The following NATD1 variants were observed in gnomAD, a reference collection of about 807,000 sequenced individuals.
The protein encoded by NATD1 is protein NATD1.
Under a neutral mutation model 12.0 loss-of-function variants are expected in NATD1, and 9 were observed. That is an observed-to-expected ratio of 0.75 (90% CI 0.45 to 1.30). NATD1 has a LOEUF of 1.30. Among genes scored for constraint, NATD1 ranks in the 50% most tolerant of loss-of-function variants. The probability of loss-of-function intolerance (pLI) is 0.00; values close to 1 mark genes in which losing one functional copy is unlikely to be tolerated. For synonymous variants in NATD1, 71 were observed against 65.9 expected, an observed-to-expected ratio of 1.08 and a Z score of -0.37; for missense variants, 148 against 148.5, an observed-to-expected ratio of 1.00 and a Z score of 0.02.
Position 21,243,372 on chromosome 17 carries a change from T to C in NATD1, c.283A>G (p.Ile95Val), listed in dbSNP as rs1261295891. The C allele has an allele frequency of 6.2e-7, 1 of 1,613,584 alleles. No homozygotes were observed. The highest frequency in any genetic ancestry group is 1.1e-5 in the South Asian group (1 of 91,090). Residue 95 changes from isoleucine to valine, a missense_variant, in exon 3 of 3, where the codon ATC (isoleucine) becomes GTC (valine). By Grantham distance (29) the Ile-to-Val change is conservative. Transcript: ENST00000611551. ...GGGTTCTCCTTGACGTACTTCTGGATGTACCAGCAGGTGAGATGGGCCTTC... is the reference window on the plus strand; with the variant it reads ...GGGTTCTCCTTGACGTACTTCTGGACGTACCAGCAGGTGAGATGGGCCTTC... ...DLKAHLTCWYIQKYVKENPLP... is the reference protein window; with the variant it reads ...DLKAHLTCWYVQKYVKENPLP...
At chr17:21,248,540 C>T (rs1017501391) in intron 1 of NATD1, among the ~76,000 whole-genome samples, 44 of 152,296 alleles carry the variant, frequency 2.9e-4, no homozygotes, top group African/African-American at 1.0e-3. Context: ...CCAAAGGTCA[C>T]GTGCCCAGAA....
intron 1 of NATD1, among the ~76,000 whole-genome samples, chr17:21,246,800 G>C (rs1975329155): frequency 6.6e-6 from 1 of 152,202 alleles, no homozygotes; most frequent in Non-Finnish European, 1.5e-5. Flanking sequence ...TGTAAAGAGG[G>C]CATACAAGGA....
At chr17:21,246,756 G>A (rs1975328684) in intron 1 of NATD1, among the ~76,000 whole-genome samples, 1 of 152,100 alleles carries the variant, frequency 6.6e-6, no homozygotes, top group South Asian at 2.1e-4. Flanking sequence ...TCACTATACA[G>A]CAGAGGAGGG....
rs970294151 is a variant in NATD1 at position 21,244,047 on chromosome 17, C to A, written c.225+59G>T. 5 of 1,469,476 alleles carry A rather than the reference C, an allele frequency of 3.4e-6. No homozygotes were observed. The South Asian group carries it at 6.3e-5, about 18-fold the overall frequency. The allele number at this position is 1,469,476 out of a possible 1,614,324, so 91.0% of individuals were successfully genotyped here. On this transcript the variant is annotated intron_variant, in intron 2 of 2. Coordinates refer to ENST00000611551, the MANE Select transcript of NATD1 (RefSeq NM_152914.3). The surrounding 1 kb of genome is among the most constrained non-coding windows in gnomAD (Gnocchi z 5.2). ...CACCAGGGCCACCGTCTCCTCGGAG[C>A]GAAGGTGGCAGCCCCCATGTCCCCG...
intron 1 of NATD1, among the ~76,000 whole-genome samples, chr17:21,246,467 C>A (rs941896868): frequency 6.6e-6 from 1 of 150,482 alleles, no homozygotes; most frequent in African/African-American, 2.5e-5. Context: ...TGAGCTGAGA[C>A]CGCATCATTG....
intron 1 of NATD1, among the ~76,000 whole-genome samples, chr17:21,249,113 G>T (rs1296850196): frequency 2.0e-5 from 3 of 152,090 alleles, no homozygotes; most frequent in Non-Finnish European, 4.4e-5. Context: ...GCAGACAGGG[G>T]ACAGGGGCAG....
rs1026578683 is a variant in NATD1, at chr17:21,243,025, C to G, written c.*288G>C. On this transcript the variant is annotated 3_prime_UTR_variant, in exon 3 of 3. Transcript: ENST00000611551. The stretch of plus-strand genomic sequence containing the variant: ...TGGAGCCCGGTGGGCAGGATGCAGG[C>G]TGGCTCTAGCCCCTACGTGTGACCC... 3 of 298,760 alleles carry G rather than the reference C, an allele frequency of 1.0e-5. No homozygotes were observed. Among genetic ancestry groups the G allele is most frequent in the African/African-American group, 6.4e-5 (3 of 47,238 alleles). 18.5% of individuals were successfully genotyped at this position (298,760 alleles called of 1,614,324 possible). A position where few individuals can be genotyped will look rare whatever the true frequency, so the allele number is the denominator to read the frequency against.
rs12449311 is a variant in NATD1, at chr17:21,244,207, C to T, written c.124G>A (p.Val42Ile). The part of the protein sequence containing the change: ...VRLNGCHDRA[V>I]LLYEYVGKRI... ...TTGCCCACGTACTCATAGAGCAGGA[C>T]GGCCCGGTCATGACATCCTGGGGGT... Residue 42 changes from valine (V) to isoleucine (I), a missense_variant, in exon 2 of 3, where the codon GTC becomes ATC. Transcript: ENST00000611551. This position sits in a 1 kb window ranked among gnomAD's most constrained non-coding sequence, Gnocchi z 5.2. 45,554 of 1,612,146 alleles carry T rather than the reference C, an allele frequency of 0.028. 1,814 individuals are homozygous for T. The highest frequency in any genetic ancestry group is 0.19 in the Admixed American group (11,554 of 59,888).
At chr17:21,248,067 ATGTG>A (rs200585006) in intron 1 of NATD1, among the ~76,000 whole-genome samples, 1,824 of 152,184 alleles carry the variant, frequency 0.012, 44 homozygotes, top group African/African-American at 0.041. Context: ...GTGGGGCTGT[ATGTG>A]AGGAAAAGAC....
chr17:21,246,252 T>C (rs1975323746), intron 1 of NATD1, among the ~76,000 whole-genome samples: 1 of 152,092 alleles, frequency 6.6e-6, no homozygotes, highest in South Asian at 2.1e-4. Context: ...GGTGACCCAC[T>C]CCTATAATCC....
rs1470181694 is a variant in NATD1, at chr17:21,244,088, GCCA to G, written c.225+15_225+17del. 2 of 1,601,262 alleles carry G rather than the reference GCCA, an allele frequency of 1.2e-6. No homozygotes were observed. Among genetic ancestry groups the G allele is most frequent in the Non-Finnish European group, 8.5e-7 (1 of 1,172,758 alleles). ...CATGTCCCCGTCCCCGCTTGGCCCT[GCCA>G]CCTGCCTGCCCTACCTTGGCAAGGT... On this transcript the variant is annotated intron_variant, in intron 2 of 2. Transcript: ENST00000611551. This position sits in a 1 kb window ranked among gnomAD's most constrained non-coding sequence, Gnocchi z 5.2.
chr17:21,247,239 C>T (rs1486443084), intron 1 of NATD1, among the ~76,000 whole-genome samples: 1 of 152,202 alleles, frequency 6.6e-6, no homozygotes, highest in Non-Finnish European at 1.5e-5. Context: ...GCGTAGACAC[C>T]CAAGAAATGT....
chr17:21,244,558 C>T lies in NATD1; in HGVS notation c.107-334G>A, dbSNP rs925851036. On this transcript the variant is annotated intron_variant, in intron 1 of 2. Transcript: ENST00000611551. The surrounding 1 kb of genome is among the most constrained non-coding windows in gnomAD (Gnocchi z 5.2). ...TCTGTAGCCCTGCTCCCTGCATCCC[C>T]ACCCCACCACATCCCTGGATCTGGG... Among the ~76,000 whole-genome samples the T allele has an allele frequency of 5.3e-5, 8 of 152,190 alleles. No individual in the cohort carries two copies. Among genetic ancestry groups the T allele is most frequent in the African/African-American group, 1.7e-4 (7 of 41,434 alleles).
intron 2 of NATD1, 100 bp from the exon 3 acceptor site, chr17:21,243,529 TC>T: frequency 1.1e-6 from 1 of 871,614 alleles, no homozygotes; most frequent in Non-Finnish European, 1.8e-6. Context: ...TGGCCACCCT[TC>T]CACTTTGCCC....
chr17:21,245,812 C>T (rs1273589703), intron 1 of NATD1, among the ~76,000 whole-genome samples: 1 of 152,174 alleles, frequency 6.6e-6, no homozygotes, highest in Non-Finnish European at 1.5e-5. Flanking sequence ...CCACTCCCCT[C>T]ATGCCTGCAG....
rs1975312831 is a variant in NATD1 at position 21,244,959 on chromosome 17, A to C, written c.107-735T>G. Among the ~76,000 whole-genome samples the C allele has an allele frequency of 6.6e-6, 1 of 152,122 alleles. No homozygotes were observed. Among genetic ancestry groups the C allele is most frequent in the Non-Finnish European group, 1.5e-5 (1 of 68,020 alleles). On this transcript the variant is annotated intron_variant, in intron 1 of 2. Transcript: ENST00000611551. This position sits in a 1 kb window ranked among gnomAD's most constrained non-coding sequence, Gnocchi z 5.2. ...CACCCATCCACTTATCCATCCACCA[A>C]ATGTTTCCTGAGCCCCAGGTACTGT...
At chr17:21,245,530 G>C (rs779608106) in intron 1 of NATD1, among the ~76,000 whole-genome samples, 16 of 152,098 alleles carry the variant, frequency 1.1e-4, no homozygotes, top group Non-Finnish European at 1.9e-4. Flanking sequence ...TCTGGCTCTT[G>C]GTATCTCCTT....
At position 21,244,248 on chromosome 17, in the gene NATD1, G is replaced by C; in HGVS notation, c.107-24C>G. 1 of 1,594,700 alleles carries C rather than the reference G, an allele frequency of 6.3e-7. No homozygotes were observed. The stretch of plus-strand genomic sequence containing the variant: ...TCCTGGGGGTTGTGGAGACAGGTAA[G>C]CCTATGCTGACTCCCATCCCAGCGG... On this transcript the variant is annotated intron_variant, in intron 1 of 2. Transcript: ENST00000611551. This position sits in a 1 kb window ranked among gnomAD's most constrained non-coding sequence, Gnocchi z 5.2.
intron 1 of NATD1, among the ~76,000 whole-genome samples, chr17:21,249,894 TATGGCATCAGACAAGC>T: frequency 6.6e-6 from 1 of 152,300 alleles, no homozygotes; most frequent in Admixed American, 6.5e-5. Context: ...AGAACCAGGA[TATGGCATCAGACAAGC>T]CTGAGCTCAA....
Sources: allele counts gnomAD v4.1 joint callset (sites outside exome capture counted in the v4.1 genomes callset), GRCh38; gene constraint gnomAD v4.1.1; non-coding constraint Gnocchi (gnomAD v3.1); transcripts MANE v1.5; gene names NCBI Gene and HGNC (gene_info 2026-07-23, HGNC 2026-07-21).